Variants in SZT2 observed in about 807,000 individuals in gnomAD.
SZT2 encodes KICSTOR complex protein SZT2.
In SZT2, 216 loss-of-function variants were observed where a neutral mutation model predicts 404.2. That is an observed-to-expected ratio of 0.53 (90% CI 0.48 to 0.60). SZT2 has a LOEUF of 0.60. SZT2 is among the 20% of genes least tolerant of loss of function. SZT2 has a pLI of 0.00. For missense variants in SZT2, 3,857 were observed against 4,459.2 expected, an observed-to-expected ratio of 0.86 and a Z score of 3.85; for synonymous variants, 1,693 against 1,749.9, an observed-to-expected ratio of 0.97 and a Z score of 0.81.
Position 43,426,553 on chromosome 1 carries a change from T to C in SZT2, c.3214+15T>C. 6.5e-7 allele frequency: 1 copy of C among 1,549,486 alleles called. No individual in the cohort carries two copies. Among genetic ancestry groups the C allele is most frequent in the Non-Finnish European group, 8.7e-7 (1 of 1,151,240 alleles). ...CCACGTTCCAGGTGAGTTCCCCACATCCTCCTGACACCAGACCCTGGCCCA... is the reference window on the plus strand; with the variant it reads ...CCACGTTCCAGGTGAGTTCCCCACACCCTCCTGACACCAGACCCTGGCCCA... On this transcript the variant is annotated intron_variant, in intron 22 of 71. Transcript: ENST00000634258. This position sits in a 1 kb window ranked among gnomAD's most constrained non-coding sequence, Gnocchi z 4.9.
rs1405090506 is a variant in SZT2, at chr1:43,427,559, C to A, written c.3628C>A (p.Pro1210Thr). The change falls in exon 26 of 72, where the codon CCA becomes ACA. Residue 1210 changes from proline to threonine, a missense_variant. Physicochemically the swap from Pro to Thr is conservative, Grantham distance 38. Coordinates refer to ENST00000634258, the MANE Select transcript of SZT2 (RefSeq NM_001365999.1). Reference protein sequence around the residue: ...DNAQNQGELSPPFRRDLQAYA... With the variant: ...DNAQNQGELSTPFRRDLQAYA... ...TGCCCAGAATCAAGGAGAGCTAAGT[C>A]CACCATTCCGTCGAGACTTACAGGC... 31 of 1,614,242 alleles carry A rather than the reference C, an allele frequency of 1.9e-5. No homozygotes were observed. The East Asian group carries it at 6.7e-4, about 35-fold the overall frequency.
intron 1 of SZT2, among the ~76,000 whole-genome samples, chr1:43,395,339 C>G (rs1648869776): frequency 6.6e-6 from 1 of 152,112 alleles, no homozygotes; most frequent in African/African-American, 2.4e-5. Context: ...GCTCTGTCAT[C>G]CAGGCTGGAG....
intron 7 of SZT2, among the ~76,000 whole-genome samples, chr1:43,416,905 C>T (rs990845291): frequency 5.3e-5 from 8 of 152,174 alleles, no homozygotes; most frequent in African/African-American, 1.9e-4. Flanking sequence ...AGTCCCACCT[C>T]CCCTTGTAGA....
Position 43,432,278 on chromosome 1 carries a change from C to T in SZT2, c.5281C>T (p.Arg1761Cys), listed in dbSNP as rs765040883. Residue 1761 changes from arginine to cysteine, a missense_variant, in exon 37 of 72, where the codon CGC becomes TGC. Arg to Cys is a radical substitution (Grantham distance 180, BLOSUM62 -3). Transcript: ENST00000634258. Reference sequence around the variant, plus strand: ...CTTGGCTCCTGCTCTCTAGGAGTTCCGCCGCCTCCATCTCCCTGGCCATGT... The same window carrying T: ...CTTGGCTCCTGCTCTCTAGGAGTTCTGCCGCCTCCATCTCCCTGGCCATGT... The part of the protein sequence containing the change: ...RSLTQFKEEF[R>C]RLHLPGHVLL... The T allele has an allele frequency of 2.8e-5, 44 of 1,552,844 alleles. No homozygotes were observed. The highest frequency in any genetic ancestry group is 1.7e-4 in the Middle Eastern group (1 of 5,740).
intron 13 of SZT2, 23 bp downstream of exon 13, chr1:43,422,655 A>ACCCCACCCCCCCCCC: frequency 9.1e-7 from 1 of 1,095,026 alleles, no homozygotes; most frequent in South Asian, 1.5e-5. Flanking sequence ...ATGTCCCTTC[A>ACCCCACCCCCCCCCC]CCCCCCGCCC....
intron 4 of SZT2, chr1:43,409,561 T>G (rs1197526359): frequency 7.2e-6 from 2 of 279,120 alleles, no homozygotes; most frequent in Non-Finnish European, 1.4e-5. Flanking sequence ...GATAAACAAA[T>G]TCAGTAAAGT....
In SZT2 at chr1:43,452,966, G is replaced by A; in HGVS notation, c.*2486G>A. On this transcript the variant is annotated 3_prime_UTR_variant, in exon 72 of 72. Coordinates refer to ENST00000634258, the MANE Select transcript of SZT2 (RefSeq NM_001365999.1). ...TCCTCTTGCCACAGCACCCTTGCAA[G>A]GAACACTCAACTTCCTGCCCATCAA... is the stretch of plus-strand genomic sequence containing the variant. 1 of 1,609,540 alleles carries A rather than the reference G, an allele frequency of 6.2e-7. No homozygotes were observed. The highest frequency in any genetic ancestry group is 2.2e-5 in the East Asian group (1 of 44,794).
chr1:43,440,514 C>T lies in SZT2; in HGVS notation c.7272C>T (p.Pro2424=), dbSNP rs370788979. ...CTGCAGGCCGAGCTAGCACCTTTCC[C>T]CCTGCCCCTGTCCCTGGGGAGCCTG... ...KSSAGRASTF[P]PAPVPGEPVT... is the part of the protein sequence containing the mutation. Residue 2424 remains proline, a synonymous_variant, in exon 52 of 72, where the codon CCC becomes CCT. Coordinates refer to ENST00000634258, the MANE Select transcript of SZT2 (RefSeq NM_001365999.1). 3.2e-5 allele frequency: 52 copies of T among 1,609,002 alleles called. No homozygotes were observed. Among genetic ancestry groups the T allele is most frequent in the Non-Finnish European group, 4.3e-5 (51 of 1,177,776 alleles).
chr1:43,440,445 G>A lies in SZT2; in HGVS notation c.7211-8G>A. The A allele has an allele frequency of 6.3e-7, 1 of 1,578,998 alleles. No individual in the cohort carries two copies. The highest frequency in any genetic ancestry group is 8.6e-7 in the Non-Finnish European group (1 of 1,164,170). On this transcript the variant is annotated splice_polypyrimidine_tract_variant and splice_region_variant and intron_variant, in intron 51 of 71. Transcript: ENST00000634258. ...GTGATGGGTGTCTGTAATGTCTGAT[G>A]TCCACAGGAAGTCTCAGGAACGGAT...
chr1:43,393,574 A>G (rs1648656419), intron 1 of SZT2, among the ~76,000 whole-genome samples: 2 of 152,214 alleles, frequency 1.3e-5, no homozygotes, highest in African/African-American at 4.8e-5. Context: ...TTTGATGTAT[A>G]GTGGTAAGAA....
Position 43,446,363 on chromosome 1 carries a change from C to T in SZT2, c.9019C>T (p.Gln3007Ter). The stretch of plus-strand genomic sequence containing the variant: ...CCAGGGCTGTTACTTCTGTGTCAAA[C>T]AGTTTGCCCTGGAATGTTCCCGAAT... ...AFQGCYFCVK[Q>*]FALECSRIPM... is the part of the protein sequence containing the mutation. Residue 3007 changes from glutamine (Q) to a stop codon, truncating the protein, a stop_gained, in exon 65 of 72, where the codon CAG (glutamine) becomes TAG (stop). Coordinates refer to ENST00000634258, the MANE Select transcript of SZT2 (RefSeq NM_001365999.1). LOFTEE classifies it high-confidence loss of function. The T allele has an allele frequency of 6.2e-7, 1 of 1,614,266 alleles. No individual in the cohort carries two copies. The highest frequency in any genetic ancestry group is 8.5e-7 in the Non-Finnish European group (1 of 1,180,050).
At chr1:43,445,059 G>C (rs1042647816) in intron 62 of SZT2, among the ~76,000 whole-genome samples, 3 of 152,056 alleles carry the variant, frequency 2.0e-5, no homozygotes, top group African/African-American at 7.2e-5. Context: ...CCCTGGGGAG[G>C]AGCTGCCCAG....
chr1:43,414,556 G>A (rs1042705834), intron 4 of SZT2, among the ~76,000 whole-genome samples: 2 of 152,082 alleles, frequency 1.3e-5, no homozygotes. Flanking sequence ...AAGTAGCTGG[G>A]ATTACAGGTG....
rs937437691 is a variant in SZT2, at chr1:43,393,393, G to A, written c.27+3398G>A. ...TCTGTGTTTCACAGATGAGCTAACT[G>A]AGGCATAGAGAGTGTAAGTCTCTGC... On this transcript the variant is annotated intron_variant, in intron 1 of 71. Coordinates refer to ENST00000634258, the MANE Select transcript of SZT2 (RefSeq NM_001365999.1). Among the ~76,000 whole-genome samples, 8 of 152,190 alleles carry A rather than the reference G, an allele frequency of 5.3e-5. No homozygotes were observed. The East Asian group carries it at 5.8e-4, about 11-fold the overall frequency.
At chr1:43,397,473 C>T (rs908903099) in intron 1 of SZT2, among the ~76,000 whole-genome samples, 3 of 150,788 alleles carry the variant, frequency 2.0e-5, no homozygotes, top group East Asian at 2.0e-4. Flanking sequence ...GCCTCCACCT[C>T]GCTGGATCTT....
rs1181645290 is a variant in SZT2 at position 43,448,346 on chromosome 1, C to G, written c.9831C>G (p.Thr3277=). ...RLAGGHCRRD[T]LWKRLFLLEP... is the part of the protein sequence containing the mutation. Reference sequence around the variant, plus strand: ...CTGGAGGGCACTGCCGTCGGGACACCCTTTGGAAGCGCCTCTTCTTGCTGG... The same window carrying G: ...CTGGAGGGCACTGCCGTCGGGACACGCTTTGGAAGCGCCTCTTCTTGCTGG... The change falls in exon 69 of 72, where the codon ACC becomes ACG. Residue 3277 remains threonine, a synonymous_variant. Coordinates refer to ENST00000634258, the MANE Select transcript of SZT2 (RefSeq NM_001365999.1). The surrounding 1 kb of genome is among the most constrained non-coding windows in gnomAD (Gnocchi z 4.2). 9 of 1,553,316 alleles carry G rather than the reference C, an allele frequency of 5.8e-6. No individual in the cohort carries two copies. The highest frequency in any genetic ancestry group is 7.8e-6 in the Non-Finnish European group (9 of 1,148,504).
Position 43,448,398 on chromosome 1 carries a change from C to T in SZT2, c.9883C>T (p.Leu3295=), listed in dbSNP as rs534948696. The change falls in exon 69 of 72, where the codon CTA becomes TTA. Residue 3295 remains leucine, a synonymous_variant. Coordinates refer to ENST00000634258, the MANE Select transcript of SZT2 (RefSeq NM_001365999.1). This position sits in a 1 kb window ranked among gnomAD's most constrained non-coding sequence, Gnocchi z 4.2. The stretch of plus-strand genomic sequence containing the variant: ...GCCACCGGGGCCTGATCGACTGCGG[C>T]TAGGGGGGCGCCTGGCCCTGGCAGA... ...LEPPGPDRLR[L]GGRLALAELE... The T allele has an allele frequency of 1.2e-4, 192 of 1,576,360 alleles. No homozygotes were observed. In the South Asian group the frequency reaches 2.0e-3, roughly 17 times the overall value.
In SZT2 at chr1:43,426,991, G is replaced by A; in HGVS notation, c.3310-65G>A. On this transcript the variant is annotated intron_variant, in intron 23 of 71. Coordinates refer to ENST00000634258, the MANE Select transcript of SZT2 (RefSeq NM_001365999.1). The surrounding 1 kb of genome is among the most constrained non-coding windows in gnomAD (Gnocchi z 4.9). ...CCTAAGATGAGTCAGCTCTAGGGTG[G>A]AGGAGGGGAACAGGGGTTGGACATT... 6.2e-7 allele frequency: 1 copy of A among 1,601,960 alleles called. No homozygotes were observed. The highest frequency in any genetic ancestry group is 8.5e-7 in the Non-Finnish European group (1 of 1,171,900).
rs745460400 is a variant in SZT2 at position 43,445,875 on chromosome 1, C to A, written c.8826-19C>A. ...CCACTAGCCTGCCTCATCCTCTTATCCCTCCTCCTTTTCTATAGCACCAGC... is the reference window on the plus strand; with the variant it reads ...CCACTAGCCTGCCTCATCCTCTTATACCTCCTCCTTTTCTATAGCACCAGC... On this transcript the variant is annotated intron_variant, in intron 62 of 71. Coordinates refer to ENST00000634258, the MANE Select transcript of SZT2 (RefSeq NM_001365999.1). 3.7e-6 allele frequency: 6 copies of A among 1,612,596 alleles called. No homozygotes were observed. The highest frequency in any genetic ancestry group is 5.1e-6 in the Non-Finnish European group (6 of 1,178,546).
Sources: allele counts gnomAD v4.1 joint callset (sites outside exome capture counted in the v4.1 genomes callset), GRCh38; gene constraint gnomAD v4.1.1; non-coding constraint Gnocchi (gnomAD v3.1); transcripts MANE v1.5; gene names NCBI Gene and HGNC (gene_info 2026-07-23, HGNC 2026-07-21).